The following WWOX variants were observed in gnomAD, a reference collection of about 807,000 sequenced individuals.
The protein encoded by WWOX is WW domain-containing oxidoreductase.
WWOX carries 69 observed loss-of-function variants against 46.2 expected under a neutral mutation model. The observed-to-expected ratio is 1.49, with a 90% CI of 1.23 to 1.82. The LOEUF (loss-of-function observed/expected upper bound fraction) is 1.82, where lower values mean the gene tolerates loss of function less well. Ranked by LOEUF, WWOX falls within the 40% of genes most tolerant of loss-of-function variation. The probability of loss-of-function intolerance (pLI) is 0.00; values close to 1 mark genes in which losing one functional copy is unlikely to be tolerated. For synonymous variants in WWOX, 359 were observed against 202.6 expected (o/e 1.77, Z -6.56); for missense variants, 919 against 542.6 (o/e 1.69, Z -6.89).
In WWOX at chr16:78,887,055, C is replaced by G. The variant is rs559000582; in HGVS notation, c.1057-324553C>G. Among the ~76,000 whole-genome samples, 226 of 145,322 alleles carry G rather than the reference C, an allele frequency of 1.6e-3. 1 individual carries two copies. The highest frequency in any genetic ancestry group is 2.4e-3 in the Non-Finnish European group (159 of 67,056). ...AAATTGGAAGTGATGAAGTGACAGT[C>G]TGGCTATATGTGTGTGTGTGTGGTG... is the stretch of plus-strand genomic sequence containing the variant. On this transcript the variant is annotated intron_variant, in intron 8 of 8. Coordinates refer to ENST00000566780, the MANE Select transcript of WWOX (RefSeq NM_016373.4).
At chr16:78,614,169 A>C (rs567693727) in intron 8 of WWOX, among the ~76,000 whole-genome samples, 1 of 152,216 alleles carries the variant, frequency 6.6e-6, no homozygotes, top group African/African-American at 2.4e-5. Flanking sequence ...GGGACAAACA[A>C]CTTCTGTCAG....
At chr16:78,988,717 A>G (rs1338905050) in intron 8 of WWOX, among the ~76,000 whole-genome samples, 1 of 152,210 alleles carries the variant, frequency 6.6e-6, no homozygotes, top group Non-Finnish European at 1.5e-5. Context: ...GGGTAGGGAA[A>G]TGGGAGATTC....
Position 79,212,160 on chromosome 16 carries a change from A to G in WWOX, c.*364A>G. On this transcript the variant is annotated 3_prime_UTR_variant, in exon 9 of 9. Transcript: ENST00000566780. ...GGTCCCCTCGTCCCATCCAGCTACC[A>G]CCACGGCCACCACTGCAGCCGGGGG... The G allele has an allele frequency of 6.7e-7, 1 of 1,494,010 alleles. No homozygotes were observed. The highest frequency in any genetic ancestry group is 8.9e-7 in the Non-Finnish European group (1 of 1,127,630). 92.5% of individuals were successfully genotyped at this position (1,494,010 alleles called of 1,614,324 possible).
At chr16:79,067,068 G>T (rs1289764122) in intron 8 of WWOX, among the ~76,000 whole-genome samples, 3 of 152,154 alleles carry the variant, frequency 2.0e-5, no homozygotes, top group African/African-American at 7.2e-5. Context: ...GAATAAGAAG[G>T]TGGTTATTAG....
intron 8 of WWOX, among the ~76,000 whole-genome samples, chr16:79,078,940 A>G (rs7198971): frequency 0.078 from 11,940 of 152,306 alleles, 543 homozygotes; most frequent in Non-Finnish European, 0.096. Context: ...ACCAGAGATC[A>G]AAGATGATTG....
chr16:78,776,998 C>T (rs1235945308), intron 8 of WWOX, among the ~76,000 whole-genome samples: 1 of 152,132 alleles, frequency 6.6e-6, no homozygotes, highest in Non-Finnish European at 1.5e-5. Flanking sequence ...CCACTCATGG[C>T]ATCTCGTTTT....
rs71140810 is a variant in WWOX, at chr16:78,540,020, TCA to T, written c.1056+107295_1056+107296del. Among the ~76,000 whole-genome samples the T allele has an allele frequency of 4.2e-3, 562 of 132,896 alleles. 1 individual carries two copies. The highest frequency in any genetic ancestry group is 0.013 in the African/African-American group (423 of 33,250). The allele number at this position is 132,896 out of a possible 152,430, so 87.2% of individuals were successfully genotyped here. A position where few individuals can be genotyped will look rare whatever the true frequency, so the allele number is the denominator to read the frequency against. Reference sequence around the variant, plus strand: ...CTTTCTCTCTCTCTCTCTCTCTCTCTCACACACACACACACACACACACACAC... The same window carrying T: ...CTTTCTCTCTCTCTCTCTCTCTCTCTCACACACACACACACACACACACAC... On this transcript the variant is annotated intron_variant, in intron 8 of 8. Coordinates refer to ENST00000566780, the MANE Select transcript of WWOX (RefSeq NM_016373.4).
At chr16:78,711,716 G>C (rs2048448194) in intron 8 of WWOX, among the ~76,000 whole-genome samples, 1 of 152,122 alleles carries the variant, frequency 6.6e-6, no homozygotes, top group Admixed American at 6.5e-5. Context: ...GAATATAAGT[G>C]TTCCCTCCAA....
At chr16:79,068,332 A>G (rs938303529) in intron 8 of WWOX, among the ~76,000 whole-genome samples, 1 of 152,168 alleles carries the variant, frequency 6.6e-6, no homozygotes, top group Non-Finnish European at 1.5e-5. Context: ...ATTATGTCCC[A>G]TTGTGTTATG....
chr16:79,017,809 A>C (rs898206759), intron 8 of WWOX, among the ~76,000 whole-genome samples: 4 of 152,202 alleles, frequency 2.6e-5, no homozygotes, highest in Admixed American at 1.3e-4. Context: ...AACAAATTAC[A>C]GATTATCCAG....
chr16:78,638,701 A>C (rs2550620), intron 8 of WWOX, among the ~76,000 whole-genome samples: 67,312 of 151,960 alleles, frequency 0.44, 17,387 homozygotes, highest in Middle Eastern at 0.62. Context: ...TCAGATTCCA[A>C]TCGAATACAT....
intron 8 of WWOX, among the ~76,000 whole-genome samples, chr16:78,505,693 A>G (rs894996397): frequency 4.0e-4 from 60 of 150,842 alleles, no homozygotes; most frequent in African/African-American, 1.4e-3. Context: ...AGTCCTGGCC[A>G]TGCCTCTCTG....
chr16:79,035,055 C>T (rs1373261770), intron 8 of WWOX, among the ~76,000 whole-genome samples: 1 of 152,150 alleles, frequency 6.6e-6, no homozygotes, highest in Non-Finnish European at 1.5e-5. Flanking sequence ...CTACATTCAA[C>T]ATTGTACTCT....
intron 5 of WWOX, among the ~76,000 whole-genome samples, chr16:78,336,383 A>G (rs1476481887): frequency 1.3e-5 from 2 of 148,306 alleles, no homozygotes; most frequent in Non-Finnish European, 3.0e-5. Context: ...GATGTGGCCT[A>G]TAGTCCCAGC....
At chr16:78,867,732 C>A (rs1311085247) in intron 8 of WWOX, among the ~76,000 whole-genome samples, 1 of 151,994 alleles carries the variant, frequency 6.6e-6, no homozygotes, top group Non-Finnish European at 1.5e-5. Context: ...TAAAGTCCTA[C>A]AACTGGTGAG....
At chr16:78,314,688 G>GGGTTTT (rs1555517825) in intron 5 of WWOX, among the ~76,000 whole-genome samples, 1 of 90,512 alleles carries the variant, frequency 1.1e-5, no homozygotes, top group South Asian at 4.6e-4. Context: ...CCCTGCAGGG[G>GGGTTTT]TTTTTTTTTT....
At chr16:78,342,445 A>G (rs1250219062) in intron 5 of WWOX, among the ~76,000 whole-genome samples, 1 of 120,886 alleles carries the variant, frequency 8.3e-6, no homozygotes. Context: ...AGGATGAAGC[A>G]GCATTTTTTA....
At chr16:78,374,229 C>CT (rs1491410482) in intron 5 of WWOX, among the ~76,000 whole-genome samples, 1 of 152,148 alleles carries the variant, frequency 6.6e-6, no homozygotes, top group Non-Finnish European at 1.5e-5. Flanking sequence ...TCCTCTCTCC[C>CT]TGTTAGTCTT....
At chr16:78,488,203 G>A (rs1325103368) in intron 8 of WWOX, among the ~76,000 whole-genome samples, 2 of 152,214 alleles carry the variant, frequency 1.3e-5, no homozygotes, top group Non-Finnish European at 1.5e-5. Flanking sequence ...TCTTTGTTTA[G>A]AGGAAGCTCT....
Sources: allele counts gnomAD v4.1 joint callset (sites outside exome capture counted in the v4.1 genomes callset), GRCh38; gene constraint gnomAD v4.1.1; transcripts MANE v1.5; gene names NCBI Gene and HGNC (gene_info 2026-07-23, HGNC 2026-07-21).